TTC23L: variants seen among roughly 807,000 people sequenced by gnomAD.
TTC23L encodes tetratricopeptide repeat protein 23-like.
Under a neutral mutation model 48.1 loss-of-function variants are expected in TTC23L, and 42 were observed. That is an observed-to-expected ratio of 0.87 (90% CI 0.68 to 1.13). The LOEUF (loss-of-function observed/expected upper bound fraction) is 1.13. Ranked by LOEUF, TTC23L falls within the 50% of genes most tolerant of loss-of-function variation. The pLI is 0.00. For synonymous variants in TTC23L, 159 were observed against 157.2 expected, an observed-to-expected ratio of 1.01 and a Z score of -0.09; for missense variants, 391 against 421.0, an observed-to-expected ratio of 0.93 and a Z score of 0.62.
chr5:34,881,551 A>G (rs575309221), intron 9 of TTC23L, among the ~76,000 whole-genome samples: 5 of 152,210 alleles, frequency 3.3e-5, no homozygotes, highest in Non-Finnish European at 7.3e-5. Context: ...GGCCATGTAA[A>G]AACCAGTTTA....
At chr5:34,925,433 A>G in the TTC23L span, 1 of 1,613,980 alleles carries the variant, frequency 6.2e-7, no homozygotes, top group Non-Finnish European at 8.5e-7. Flanking sequence ...AGCAAGAAAG[A>G]AACGGATTTA....
At chr5:34,920,352 C>G in the TTC23L span, 2 of 152,116 alleles carry the variant, frequency 1.3e-5, no homozygotes, top group Non-Finnish European at 2.9e-5. Flanking sequence ...TAAGATACTA[C>G]ACTTAGGTAT....
chr5:34,905,645 T>G, the TTC23L span: 21 of 152,108 alleles, frequency 1.4e-4, no homozygotes, highest in African/African-American at 3.4e-4. Context: ...GAAAGAGAGA[T>G]AAACTTCAAA....
chr5:34,891,174 G>A (rs1471849988), intron 9 of TTC23L, among the ~76,000 whole-genome samples: 1 of 152,156 alleles, frequency 6.6e-6, no homozygotes, highest in East Asian at 1.9e-4. Flanking sequence ...GAGATAATAT[G>A]TCAGAATGTT....
chr5:34,898,139 G>T (rs973689388), intron 10 of TTC23L, among the ~76,000 whole-genome samples: 3 of 152,104 alleles, frequency 2.0e-5, no homozygotes, highest in Non-Finnish European at 4.4e-5. Flanking sequence ...AGAGTGCCTG[G>T]CCCCATAGTA....
At chr5:34,878,392 T>C (rs954859585) in intron 8 of TTC23L, among the ~76,000 whole-genome samples, 1 of 152,200 alleles carries the variant, frequency 6.6e-6, no homozygotes, top group East Asian at 1.9e-4. Context: ...TTAATATCTA[T>C]TCCATGTTCA....
chr5:34,894,912 T>G (rs558230970), intron 9 of TTC23L, among the ~76,000 whole-genome samples: 1 of 151,776 alleles, frequency 6.6e-6, no homozygotes, highest in Admixed American at 6.6e-5. Flanking sequence ...ATGATGATGA[T>G]GATGTTAATG....
At chr5:34,844,390 A>C (rs564796983) in intron 2 of TTC23L, among the ~76,000 whole-genome samples, 65 of 145,990 alleles carry the variant, frequency 4.5e-4, no homozygotes, top group African/African-American at 1.6e-3. Flanking sequence ...AAAAGATTAC[A>C]GTTGGCATAC....
At chr5:34,914,629 T>C in the TTC23L span, 1 of 1,511,354 alleles carries the variant, frequency 6.6e-7, no homozygotes, top group Non-Finnish European at 9.2e-7. Context: ...TACTGAAACC[T>C]TCCGATTTCA....
chr5:34,868,468 AC>A, intron 7 of TTC23L: 1 of 158,754 alleles, frequency 6.3e-6, no homozygotes, highest in East Asian at 1.7e-4. Flanking sequence ...TGGTGTTCTA[AC>A]CACTTTACAT....
At chr5:34,910,703 C>T in the TTC23L span, among the ~76,000 whole-genome samples, 2 of 152,202 alleles carry the variant, frequency 1.3e-5, no homozygotes, top group Admixed American at 1.3e-4. Context: ...GCTGGGATTA[C>T]AGGTGTCTGC....
At chr5:34,875,383 T>A (rs536850899) in intron 8 of TTC23L, among the ~76,000 whole-genome samples, 1 of 152,212 alleles carries the variant, frequency 6.6e-6, no homozygotes, top group African/African-American at 2.4e-5. Context: ...AGTCCCGCAA[T>A]AGGCCATCTT....
At chr5:34,875,281 G>C (rs1213207494) in intron 8 of TTC23L, among the ~76,000 whole-genome samples, 3 of 152,134 alleles carry the variant, frequency 2.0e-5, no homozygotes, top group Non-Finnish European at 2.9e-5. Context: ...CCTTGTATTA[G>C]TCAGGGTTCT....
chr5:34,894,378 AG>A (rs1763072133), intron 9 of TTC23L, among the ~76,000 whole-genome samples: 1 of 152,190 alleles, frequency 6.6e-6, no homozygotes. Context: ...GTGTCATGGA[AG>A]AATATTCCCA....
intron 4 of TTC23L, chr5:34,861,552 T>A (rs1431413009): frequency 6.6e-6 from 1 of 152,276 alleles, no homozygotes; most frequent in Non-Finnish European, 1.5e-5. Flanking sequence ...AGAAGGGACC[T>A]GGGTCACCTT....
intron 8 of TTC23L, among the ~76,000 whole-genome samples, chr5:34,873,271 A>T (rs1250609455): frequency 1.3e-5 from 2 of 152,242 alleles, no homozygotes; most frequent in Non-Finnish European, 2.9e-5. Flanking sequence ...AGATCTGTAA[A>T]TCATATCCAC....
rs140352402 is a variant in TTC23L at position 34,874,118 on chromosome 5, C to T, written c.949+5105C>T. ...CAGAGAACTAAGGTCACATGGCAAACCAGTGCCCCACAAATTGGAGAGACA... is the reference window on the plus strand; with the variant it reads ...CAGAGAACTAAGGTCACATGGCAAATCAGTGCCCCACAAATTGGAGAGACA... On this transcript the variant is annotated intron_variant, in intron 8 of 10. Transcript: ENST00000505624. 6.4e-3 allele frequency among the ~76,000 whole-genome samples: 981 copies of T among 152,226 alleles called. 12 individuals carry two copies. Among genetic ancestry groups the T allele is most frequent in the African/African-American group, 0.022 (933 of 41,524 alleles).
intron 4 of TTC23L, among the ~76,000 whole-genome samples, chr5:34,859,866 C>T (rs533109380): frequency 6.1e-5 from 6 of 98,546 alleles, no homozygotes; most frequent in East Asian, 3.2e-4. Flanking sequence ...TTTTTTGAGA[C>T]GGAATCTCAC....
chr5:34,915,691 G>C, the TTC23L span: 1 of 1,540,704 alleles, frequency 6.5e-7, no homozygotes, highest in Non-Finnish European at 8.7e-7. Context: ...AAATAGGAGC[G>C]AGCGGCAGCG....
Sources: gnomAD v4.1 joint callset for allele counts (sites outside exome capture counted in the v4.1 genomes callset) on GRCh38, gnomAD v4.1.1 for gene constraint, MANE v1.5 for transcripts, NCBI Gene and HGNC (gene_info 2026-07-23, HGNC 2026-07-21) for gene names.